Variants in CLIC5 observed in about 807,000 individuals in gnomAD.
The protein encoded by CLIC5 is CLIC family member 5.
In CLIC5, 20 loss-of-function variants were observed where a neutral mutation model predicts 24.7. The ratio of observed to expected loss-of-function variants is 0.81; its 90% CI spans 0.57 to 1.18. CLIC5 has a LOEUF of 1.18. Among genes scored for constraint, CLIC5 ranks in the 50% most tolerant of loss-of-function variants. The pLI, the probability that CLIC5 is intolerant of heterozygous loss-of-function variation, is 0.00. For missense variants in CLIC5, 341 were observed against 326.1 expected (o/e 1.05, Z -0.35); for synonymous variants, 159 against 135.6 (o/e 1.17, Z -1.20).
intron 1 of CLIC5, among the ~76,000 whole-genome samples, chr6:46,025,149 C>A (rs1767295286): frequency 6.6e-6 from 1 of 152,066 alleles, no homozygotes; most frequent in South Asian, 2.1e-4. Flanking sequence ...GTGGTTCAAC[C>A]TCTCGGAGCC....
intron 1 of CLIC5, among the ~76,000 whole-genome samples, chr6:45,966,987 C>G (rs915508006): frequency 4.6e-5 from 7 of 152,220 alleles, no homozygotes; most frequent in Non-Finnish European, 1.0e-4. Context: ...TACAGAAACC[C>G]TAGTCACTGG....
chr6:46,016,118 AAAGGGGAAGGGG>A (rs1231483682), upstream of CLIC5, among the ~76,000 whole-genome samples: 1 of 136,064 alleles, frequency 7.3e-6, no homozygotes, highest in Admixed American at 7.5e-5. Context: ...GAGGAAGGGG[AAAGGGGAAGGGG>A]AAGAGGAAGG....
chr6:46,009,089 G>A (rs558519512), intron 1 of CLIC5, among the ~76,000 whole-genome samples: 3 of 152,088 alleles, frequency 2.0e-5, no homozygotes, highest in Admixed American at 2.0e-4. Flanking sequence ...GGCAAGTGCA[G>A]TGACTCTTTC....
At chr6:45,967,599 T>A (rs1765058939) in intron 1 of CLIC5, among the ~76,000 whole-genome samples, 1 of 152,198 alleles carries the variant, frequency 6.6e-6, no homozygotes, top group African/African-American at 2.4e-5. Context: ...AGGCTGTTTT[T>A]GTGTTCTGTA....
intron 5 of CLIC5, chr6:45,911,593 T>C: frequency 1.0e-6 from 1 of 984,914 alleles, no homozygotes; most frequent in Non-Finnish European, 1.2e-6. Flanking sequence ...TTTTTCACAG[T>C]GACACACTGA....
At chr6:45,985,164 G>T (rs974579454) in intron 1 of CLIC5, among the ~76,000 whole-genome samples, 2 of 152,194 alleles carry the variant, frequency 1.3e-5, no homozygotes, top group African/African-American at 2.4e-5. Flanking sequence ...GGAAACCTGT[G>T]GGAGAGAAGA....
intron 4 of CLIC5, among the ~76,000 whole-genome samples, chr6:45,930,868 T>C (rs576863252): frequency 3.3e-5 from 5 of 152,284 alleles, no homozygotes; most frequent in African/African-American, 2.4e-5. Context: ...CATATTACCG[T>C]TGAGGAGGCT....
chr6:46,093,555 A>T, the CLIC5 span, among the ~76,000 whole-genome samples: 1 of 152,344 alleles, frequency 6.6e-6, no homozygotes, highest in African/African-American at 2.4e-5. Flanking sequence ...AAAGCAAAAT[A>T]TGAATTAAAA....
chr6:45,923,822 G>A (rs948454269), intron 4 of CLIC5, among the ~76,000 whole-genome samples: 9 of 152,120 alleles, frequency 5.9e-5, no homozygotes, highest in South Asian at 2.1e-4. Context: ...GTTAATATAC[G>A]CAAGTCAAGA....
At chr6:46,060,759 T>C (rs1762241124) in intron 1 of CLIC5, among the ~76,000 whole-genome samples, 1 of 152,188 alleles carries the variant, frequency 6.6e-6, no homozygotes, top group Admixed American at 6.5e-5. Flanking sequence ...GCTTCCTTCA[T>C]GAAAGCTTCC....
chr6:46,080,581 A>G (rs1562042438), upstream of CLIC5, among the ~76,000 whole-genome samples: 1 of 152,174 alleles, frequency 6.6e-6, no homozygotes, highest in East Asian at 1.9e-4. Context: ...CCTGGTATAC[A>G]CTGAAATTTT....
At position 45,901,146 on chromosome 6, in the gene CLIC5, G is replaced by A. The variant is rs1311358712; in HGVS notation, c.*1942C>T. ...GATCATTTCAGCCCTCATCCCCCAG[G>A]AGGCCAGTTTGGGGCTTTTCCCTAC... On this transcript the variant is annotated 3_prime_UTR_variant, in exon 6 of 6. Coordinates refer to ENST00000339561, the MANE Select transcript of CLIC5 (RefSeq NM_016929.5). 3.9e-5 allele frequency: 6 copies of A among 152,068 alleles called. No homozygotes were observed. The highest frequency in any genetic ancestry group is 1.4e-4 in the African/African-American group (6 of 41,388). The allele number at this position is 152,068 out of a possible 1,614,324, so 9.4% of individuals were successfully genotyped here.
intron 2 of CLIC5, among the ~76,000 whole-genome samples, chr6:45,953,554 C>T (rs1764539307): frequency 6.6e-6 from 1 of 152,024 alleles, no homozygotes; most frequent in Admixed American, 6.6e-5. Flanking sequence ...GGCAGGCCAG[C>T]CTGACAGAGT....
chr6:46,078,003 C>T (rs1351675799), intron 1 of CLIC5, among the ~76,000 whole-genome samples: 3 of 151,974 alleles, frequency 2.0e-5, no homozygotes, highest in African/African-American at 2.4e-5. Context: ...CCCACTTTGC[C>T]TGTCACAGGT....
intron 1 of CLIC5, among the ~76,000 whole-genome samples, chr6:46,067,074 G>A (rs1355640253): frequency 2.6e-5 from 4 of 152,138 alleles, no homozygotes; most frequent in Non-Finnish European, 4.4e-5. Flanking sequence ...AATAGGGAAG[G>A]TTTACAGCAG....
chr6:46,078,827 G>C (rs1762844096), intron 1 of CLIC5, among the ~76,000 whole-genome samples: 1 of 152,190 alleles, frequency 6.6e-6, no homozygotes, highest in South Asian at 2.1e-4. Flanking sequence ...TTAGTAAAGT[G>C]TGTTTCATCA....
chr6:46,125,198 C>T, the CLIC5 span, among the ~76,000 whole-genome samples: 1 of 152,254 alleles, frequency 6.6e-6, no homozygotes, highest in South Asian at 2.1e-4. Context: ...CAATGATAGA[C>T]TGGATTAAGA....
chr6:46,083,150 A>G (rs370251764), upstream of CLIC5, among the ~76,000 whole-genome samples: 47 of 152,374 alleles, frequency 3.1e-4, no homozygotes, highest in South Asian at 8.9e-3. Flanking sequence ...ATAGCTGCCT[A>G]TTAAATATTT....
At chr6:46,075,626 C>T (rs552579877) in intron 1 of CLIC5, among the ~76,000 whole-genome samples, 165 of 152,220 alleles carry the variant, frequency 1.1e-3, no homozygotes, top group Admixed American at 3.3e-3. Context: ...AGACATATTC[C>T]GCTTCCATAA....
Sources: gnomAD v4.1 joint callset for allele counts (sites outside exome capture counted in the v4.1 genomes callset) on GRCh38, gnomAD v4.1.1 for gene constraint, MANE v1.5 for transcripts, NCBI Gene and HGNC (gene_info 2026-07-23, HGNC 2026-07-21) for gene names.